NBEA: variants seen among roughly 807,000 people sequenced by gnomAD.
The protein encoded by NBEA is neurobeachin, also known as lysosomal-trafficking regulator 2.
A neutral mutation model predicts 343.4 loss-of-function variants in NBEA; 44 were observed. That is an observed-to-expected ratio of 0.13 (90% CI 0.10 to 0.16). NBEA has a LOEUF of 0.16. NBEA is among the 10% of genes least tolerant of loss of function. The pLI is 1.00. For missense variants in NBEA, 2,555 were observed against 3,631.3 expected, an observed-to-expected ratio of 0.70 and a Z score of 7.62; for synonymous variants, 1,175 against 1,238.7, an observed-to-expected ratio of 0.95 and a Z score of 1.08.
At chr13:35,224,393 T>C (rs2074541480) in intron 33 of NBEA, among the ~76,000 whole-genome samples, 1 of 152,186 alleles carries the variant, frequency 6.6e-6, no homozygotes, top group African/African-American at 2.4e-5. Context: ...ATAAAATTAT[T>C]TGATACTGTT....
At chr13:35,670,079 A>G (rs1238698674) in intron 58 of NBEA, among the ~76,000 whole-genome samples, 1 of 152,234 alleles carries the variant, frequency 6.6e-6, no homozygotes, top group Non-Finnish European at 1.5e-5. Context: ...GTGCATGCAT[A>G]TCAATTATAA....
At chr13:35,025,166 C>T (rs1380926973) in intron 1 of NBEA, among the ~76,000 whole-genome samples, 1 of 152,148 alleles carries the variant, frequency 6.6e-6, no homozygotes, top group East Asian at 1.9e-4. Context: ...TGTGCAGAAG[C>T]TCTTTAGTTT....
intron 1 of NBEA, among the ~76,000 whole-genome samples, chr13:35,028,981 T>A (rs1322644449): frequency 6.6e-6 from 1 of 151,688 alleles, no homozygotes; most frequent in Non-Finnish European, 1.5e-5. Flanking sequence ...AATATTCCAT[T>A]GTATGGACTA....
intron 41 of NBEA, among the ~76,000 whole-genome samples, chr13:35,486,186 A>C (rs1220915369): frequency 6.6e-6 from 1 of 152,092 alleles, no homozygotes; most frequent in Admixed American, 6.6e-5. Context: ...GATTTAGAGA[A>C]TAATTGTTGC....
intron 38 of NBEA, among the ~76,000 whole-genome samples, chr13:35,372,305 A>G (rs1186862986): frequency 6.6e-6 from 1 of 152,122 alleles, no homozygotes; most frequent in Non-Finnish European, 1.5e-5. Context: ...CAGATGGTAT[A>G]TTGGAATGGG....
intron 36 of NBEA, among the ~76,000 whole-genome samples, chr13:35,323,576 G>A (rs2038325529): frequency 8.4e-6 from 1 of 119,428 alleles, no homozygotes; most frequent in African/African-American, 3.1e-5. Context: ...GGGGTGGGGG[G>A]AGGGGGAGGG....
At chr13:35,309,861 A>C (rs1421868234) in intron 36 of NBEA, among the ~76,000 whole-genome samples, 3 of 152,144 alleles carry the variant, frequency 2.0e-5, no homozygotes, top group Admixed American at 6.6e-5. Flanking sequence ...AAGTTGTTTT[A>C]CACAGATCAA....
chr13:35,353,261 C>G (rs563772862), intron 38 of NBEA, among the ~76,000 whole-genome samples: 1 of 152,140 alleles, frequency 6.6e-6, no homozygotes, highest in Non-Finnish European at 1.5e-5. Flanking sequence ...CATGGTGAAA[C>G]TCCATCTCTA....
chr13:35,058,927 T>C lies in NBEA; in HGVS notation c.1239+64T>C. On this transcript the variant is annotated intron_variant, in intron 8 of 58. Transcript: ENST00000379939. ...TTTAGATGTAAAATGTGGTGTAATA[T>C]CATTTTTAGTGAAAATCTTTAATAC... is the stretch of plus-strand genomic sequence containing the variant. 6.1e-6 allele frequency: 8 copies of C among 1,318,674 alleles called. No individual in the cohort carries two copies. The South Asian group carries it at 6.4e-5, about 11-fold the overall frequency. 81.7% of individuals were successfully genotyped at this position (1,318,674 alleles called of 1,614,324 possible). A position where few individuals can be genotyped will look rare whatever the true frequency, so the allele number is the denominator to read the frequency against.
chr13:34,984,267 T>C (rs1397925384), intron 1 of NBEA, among the ~76,000 whole-genome samples: 1 of 152,200 alleles, frequency 6.6e-6, no homozygotes, highest in Non-Finnish European at 1.5e-5. Context: ...TAGCCAGTTA[T>C]TAAATAGGGA....
chr13:35,608,394 T>G (rs956071854), intron 48 of NBEA, among the ~76,000 whole-genome samples: 1 of 152,196 alleles, frequency 6.6e-6, no homozygotes, highest in Non-Finnish European at 1.5e-5. Flanking sequence ...TTCTGATTCT[T>G]TTTAGAATTG....
chr13:34,995,799 C>T (rs1338643381), intron 1 of NBEA, among the ~76,000 whole-genome samples: 1 of 152,200 alleles, frequency 6.6e-6, no homozygotes, highest in Non-Finnish European at 1.5e-5. Context: ...GGGCTCAGTA[C>T]AGGAGCCTAG....
chr13:35,171,101 C>A, intron 25 of NBEA, 171 bp from the exon 26 acceptor site: 2 of 753,700 alleles, frequency 2.7e-6, no homozygotes, highest in Non-Finnish European at 4.7e-6. Flanking sequence ...GTAAAGTAAC[C>A]GAATTTGGTA....
chr13:35,124,059 A>G (rs2066940016), intron 17 of NBEA, among the ~76,000 whole-genome samples: 1 of 152,078 alleles, frequency 6.6e-6, no homozygotes, highest in South Asian at 2.1e-4. Flanking sequence ...CAAATCAAGA[A>G]TTTGAATACT....
intron 27 of NBEA, 50 bp from the exon 28 acceptor site, chr13:35,176,946 T>TTATCTGTATA (rs1249537523): frequency 8.1e-7 from 1 of 1,227,234 alleles, no homozygotes; most frequent in Non-Finnish European, 1.2e-6. Context: ...GATACTTCTA[T>TTATCTGTATA]ATATTATCTG....
At chr13:35,434,855 A>G (rs949940360) in intron 39 of NBEA, among the ~76,000 whole-genome samples, 1 of 152,204 alleles carries the variant, frequency 6.6e-6, no homozygotes, top group Non-Finnish European at 1.5e-5. Flanking sequence ...TAGGAAGTAC[A>G]TGTCAATAAT....
At chr13:35,288,541 A>C (rs1024621488) in intron 34 of NBEA, among the ~76,000 whole-genome samples, 4 of 151,936 alleles carry the variant, frequency 2.6e-5, no homozygotes, top group Non-Finnish European at 4.4e-5. Flanking sequence ...CTTTTGAACA[A>C]AGCATTAATG....
At chr13:35,649,168 T>C (rs1321225137) in intron 51 of NBEA, among the ~76,000 whole-genome samples, 1 of 152,182 alleles carries the variant, frequency 6.6e-6, no homozygotes, top group Non-Finnish European at 1.5e-5. Context: ...GGCTGCTTTA[T>C]GGGGCTACTG....
intron 36 of NBEA, among the ~76,000 whole-genome samples, chr13:35,310,288 T>C (rs1347623040): frequency 6.6e-6 from 1 of 152,174 alleles, no homozygotes; most frequent in Non-Finnish European, 1.5e-5. Context: ...AAATTTCTGT[T>C]ATTTGGGCAA....
Sources: allele counts gnomAD v4.1 joint callset (sites outside exome capture counted in the v4.1 genomes callset), GRCh38; gene constraint gnomAD v4.1.1; transcripts MANE v1.5; gene names NCBI Gene and HGNC (gene_info 2026-07-23, HGNC 2026-07-21).